The following MAGI1 variants were observed in gnomAD, a reference collection of about 807,000 sequenced individuals.
MAGI1 encodes membrane-associated guanylate kinase, WW and PDZ domain-containing protein 1.
MAGI1 carries 58 observed loss-of-function variants against 139.9 expected under a neutral mutation model. That is an observed-to-expected ratio of 0.41 (90% CI 0.34 to 0.52). The LOEUF (loss-of-function observed/expected upper bound fraction) is 0.52, where lower values mean the gene tolerates loss of function less well. Ranked by LOEUF, MAGI1 falls within the 20% of genes least tolerant of loss-of-function variation. MAGI1 has a pLI of 0.12. For synonymous variants in MAGI1, 812 were observed against 737.9 expected, an observed-to-expected ratio of 1.10 and a Z score of -1.63; for missense variants, 1,874 against 1,901.6, an observed-to-expected ratio of 0.99 and a Z score of 0.27.
intron 1 of MAGI1, among the ~76,000 whole-genome samples, chr3:65,856,127 T>C (rs561068103): frequency 6.6e-5 from 10 of 152,306 alleles, no homozygotes; most frequent in African/African-American, 2.4e-4. Flanking sequence ...TATTTTATTA[T>C]GTTTAATTTT....
At chr3:65,774,176 A>G (rs2038187520) in intron 1 of MAGI1, among the ~76,000 whole-genome samples, 1 of 152,014 alleles carries the variant, frequency 6.6e-6, no homozygotes, top group African/African-American at 2.4e-5. Flanking sequence ...TTTCCTGGTT[A>G]TGAGTTTCTA....
At chr3:65,482,212 A>T (rs1241996000) in intron 3 of MAGI1, among the ~76,000 whole-genome samples, 1 of 152,198 alleles carries the variant, frequency 6.6e-6, no homozygotes, top group Non-Finnish European at 1.5e-5. Flanking sequence ...GTCCGCCTTT[A>T]ACTTGGGATT....
At position 65,500,370 on chromosome 3, in the gene MAGI1, G is replaced by T. The variant is rs137882025; in HGVS notation, c.431-6739C>A. Among the ~76,000 whole-genome samples, 312 of 152,260 alleles carry T rather than the reference G, an allele frequency of 2.0e-3. 2 individuals are homozygous for T. The highest frequency in any genetic ancestry group is 0.019 in the Admixed American group (293 of 15,296). ...TGTGTCCTAGTGAGTGTCTCAGAAAGAATTAGCAATGCCCCCAAACTTCAT... is the reference window on the plus strand; with the variant it reads ...TGTGTCCTAGTGAGTGTCTCAGAAATAATTAGCAATGCCCCCAAACTTCAT... On this transcript the variant is annotated intron_variant, in intron 2 of 22. Coordinates refer to ENST00000402939, the MANE Select transcript of MAGI1 (RefSeq NM_001033057.2).
intron 6 of MAGI1, among the ~76,000 whole-genome samples, chr3:65,451,421 GA>G (rs1416287207): frequency 1.3e-5 from 2 of 152,234 alleles, no homozygotes; most frequent in Admixed American, 1.3e-4. Flanking sequence ...TATGATCTTT[GA>G]AAACTGGTTA....
rs772510561 is a variant in MAGI1, at chr3:65,401,572, A to G, written c.2168-102T>C. On this transcript the variant is annotated intron_variant, in intron 12 of 22. Coordinates refer to ENST00000402939, the MANE Select transcript of MAGI1 (RefSeq NM_001033057.2). ...ATCCCCAGGTGTTCCATGGCAACCT[A>G]GCCATCTGCAGAGTTATGTCAGATT... 2.6e-6 allele frequency: 4 copies of G among 1,555,818 alleles called. No homozygotes were observed. The East Asian group carries it at 9.7e-5, about 38-fold the overall frequency.
intron 1 of MAGI1, among the ~76,000 whole-genome samples, chr3:65,927,046 C>T (rs959198647): frequency 2.6e-5 from 4 of 152,124 alleles, no homozygotes. Context: ...GAATTGCCCA[C>T]CCCTTCCCTG....
intron 2 of MAGI1, among the ~76,000 whole-genome samples, chr3:65,506,000 C>G (rs550803633): frequency 1.3e-5 from 2 of 152,164 alleles, no homozygotes; most frequent in African/African-American, 4.8e-5. Context: ...TTAGTCCTCC[C>G]AATATGGGAA....
intron 1 of MAGI1, among the ~76,000 whole-genome samples, chr3:65,770,075 G>A (rs1169836218): frequency 8.5e-5 from 13 of 152,146 alleles, no homozygotes; most frequent in Non-Finnish European, 1.9e-4. Context: ...CCTTATTACT[G>A]AGAGGACAAG....
At chr3:65,689,618 C>T (rs1434399732) in intron 1 of MAGI1, among the ~76,000 whole-genome samples, 1 of 152,222 alleles carries the variant, frequency 6.6e-6, no homozygotes, top group Non-Finnish European at 1.5e-5. Flanking sequence ...AGGAAAACTC[C>T]TGGGCTGGTT....
At chr3:65,754,166 A>T (rs2036380937) in intron 1 of MAGI1, among the ~76,000 whole-genome samples, 1 of 152,180 alleles carries the variant, frequency 6.6e-6, no homozygotes, top group Admixed American at 6.5e-5. Context: ...AATGATTTTA[A>T]AGGATAAAAG....
At position 65,453,203 on chromosome 3, in the gene MAGI1, C is replaced by T. The variant is rs76394706; in HGVS notation, c.1042+55G>A. 1,566 of 1,496,802 alleles carry T rather than the reference C, an allele frequency of 1.0e-3. 23 individuals carry two copies. The East Asian group carries it at 0.03, about 29-fold the overall frequency. 92.7% of individuals were successfully genotyped at this position (1,496,802 alleles called of 1,614,324 possible). On this transcript the variant is annotated intron_variant, in intron 6 of 22. Coordinates refer to ENST00000402939, the MANE Select transcript of MAGI1 (RefSeq NM_001033057.2). ...CCTGGCTACGACTCTTTAAAATTTGCACATGTGAACAGTGCCCCCAATTCA... is the reference window on the plus strand; with the variant it reads ...CCTGGCTACGACTCTTTAAAATTTGTACATGTGAACAGTGCCCCCAATTCA...
At chr3:65,468,225 T>G (rs1229015330) in intron 5 of MAGI1, among the ~76,000 whole-genome samples, 1 of 152,182 alleles carries the variant, frequency 6.6e-6, no homozygotes, top group Non-Finnish European at 1.5e-5. Context: ...CTGCTTCTTT[T>G]ATCCTTATCT....
At chr3:65,430,288 T>A in intron 11 of MAGI1, 148 bp from the exon 12 acceptor site, 1 of 750,158 alleles carries the variant, frequency 1.3e-6, no homozygotes, top group Non-Finnish European at 2.2e-6. Flanking sequence ...TTACTGATTT[T>A]AACAGCTAAT....
At chr3:65,969,898 T>C (rs543408907) in intron 1 of MAGI1, among the ~76,000 whole-genome samples, 3 of 152,212 alleles carry the variant, frequency 2.0e-5, no homozygotes, top group Non-Finnish European at 4.4e-5. Flanking sequence ...CTCTAAGTAC[T>C]GAGAGCATTT....
In MAGI1 at chr3:65,359,686, G is replaced by A. The variant is rs375218649; in HGVS notation, c.3634+1513C>T. 31 of 987,124 alleles carry A rather than the reference G, an allele frequency of 3.1e-5. No individual in the cohort carries two copies. In the East Asian group the frequency reaches 1.2e-3, roughly 40 times the overall value. 61.1% of individuals were successfully genotyped at this position (987,124 alleles called of 1,614,324 possible). On this transcript the variant is annotated intron_variant, in intron 22 of 22. Transcript: ENST00000402939. ...ATTAGAGAGATTTAGTCCAAGTGAC[G>A]CATGGAGACATTACAGTAGCACAAC...
chr3:65,986,652 C>T (rs1231359894), intron 1 of MAGI1, among the ~76,000 whole-genome samples: 1 of 152,124 alleles, frequency 6.6e-6, no homozygotes, highest in Non-Finnish European at 1.5e-5. Context: ...ATTGTTTTCT[C>T]CTGTGGGTTG....
At chr3:65,434,512 C>T (rs1947694997) in intron 10 of MAGI1, among the ~76,000 whole-genome samples, 1 of 152,038 alleles carries the variant, frequency 6.6e-6, no homozygotes, top group Non-Finnish European at 1.5e-5. Flanking sequence ...ATTTAGTTGG[C>T]CTGTGAACTT....
chr3:66,021,350 C>G (rs760828149), intron 1 of MAGI1, among the ~76,000 whole-genome samples: 4 of 152,208 alleles, frequency 2.6e-5, no homozygotes, highest in Non-Finnish European at 4.4e-5. Flanking sequence ...AAGCATGGTA[C>G]AGAGGAAAAG....
chr3:65,893,872 T>C (rs1388305630), intron 1 of MAGI1: 1 of 152,216 alleles, frequency 6.6e-6, no homozygotes, highest in East Asian at 1.9e-4. Flanking sequence ...CTGGGAAGAC[T>C]GCAGGCAACT....
Sources: allele counts gnomAD v4.1 joint callset (sites outside exome capture counted in the v4.1 genomes callset), GRCh38; gene constraint gnomAD v4.1.1; transcripts MANE v1.5; gene names NCBI Gene and HGNC (gene_info 2026-07-23, HGNC 2026-07-21).